The following MICAL3 variants were observed in gnomAD, a reference collection of about 807,000 sequenced individuals.
The protein encoded by MICAL3 is [F-actin]-monooxygenase MICAL3.
A neutral mutation model predicts 207.4 loss-of-function variants in MICAL3; 62 were observed. The observed-to-expected ratio is 0.30, with a 90% CI of 0.24 to 0.37. MICAL3 has a LOEUF of 0.37. MICAL3 is among the 10% of genes least tolerant of loss of function. The pLI is 1.00. For missense variants in MICAL3, 2,368 were observed against 2,635.6 expected (o/e 0.90, Z 2.22); for synonymous variants, 1,077 against 1,069.3 (o/e 1.01, Z -0.14).
intron 7 of MICAL3, among the ~76,000 whole-genome samples, chr22:17,898,120 A>AC (rs397719109): frequency 3.3e-5 from 5 of 150,976 alleles, no homozygotes; most frequent in African/African-American, 1.2e-4. Context: ...AAAAAAAAAA[A>AC]CATGAAGGCA....
At chr22:17,802,061 ATTT>A (rs35160195) in intron 29 of MICAL3, among the ~76,000 whole-genome samples, 7 of 143,580 alleles carry the variant, frequency 4.9e-5, no homozygotes, top group Admixed American at 1.4e-4. Context: ...AATGTAAACA[ATTT>A]TTTTTTTTTT....
At chr22:17,865,301 C>T (rs1283440719) in intron 18 of MICAL3, among the ~76,000 whole-genome samples, 6 of 152,100 alleles carry the variant, frequency 3.9e-5, no homozygotes, top group African/African-American at 1.2e-4. Context: ...CCTCTGCAGG[C>T]AACAGAAGCC....
At chr22:17,916,055 CA>C (rs755146574) in intron 1 of MICAL3, among the ~76,000 whole-genome samples, 4,965 of 57,808 alleles carry the variant, frequency 0.086, 37 homozygotes, top group South Asian at 0.16. Context: ...GATCCAGTCT[CA>C]AAAAAAAAAA....
chr22:17,952,784 T>C (rs1358095671), intron 1 of MICAL3, among the ~76,000 whole-genome samples: 2 of 152,126 alleles, frequency 1.3e-5, no homozygotes, highest in Non-Finnish European at 2.9e-5. Flanking sequence ...ATGCATGAGG[T>C]ACTGGAAAGA....
At chr22:17,881,407 G>C in intron 16 of MICAL3, 1 of 930,876 alleles carries the variant, frequency 1.1e-6, no homozygotes, top group Non-Finnish European at 1.7e-6. Flanking sequence ...AGCACCCCAG[G>C]GAGGCCTTTC....
rs1390686201 is a variant in MICAL3 at position 17,793,426 on chromosome 22, C to G, written c.5651-2125G>C. 1.3e-5 allele frequency among the ~76,000 whole-genome samples: 2 copies of G among 152,170 alleles called. No homozygotes were observed. The highest frequency in any genetic ancestry group is 4.8e-5 in the African/African-American group (2 of 41,442). On this transcript the variant is annotated intron_variant, in intron 29 of 31. Transcript: ENST00000441493. The surrounding 1 kb of genome is among the most constrained non-coding windows in gnomAD (Gnocchi z 4.1). ...AGGCTCCTCACCTGCATGCCTGCCC[C>G]TCTATCTGATGGATCTGAGACTTAA...
In MICAL3 at chr22:17,788,681, G is replaced by A. The variant is rs1027733931; in HGVS notation, c.*2051C>T. The A allele has an allele frequency of 2.0e-5, 3 of 152,306 alleles. No individual in the cohort carries two copies. Among genetic ancestry groups the A allele is most frequent in the African/African-American group, 7.2e-5 (3 of 41,476 alleles). The allele number at this position is 152,306 out of a possible 1,614,324, so 9.4% of individuals were successfully genotyped here. A position where few individuals can be genotyped will look rare whatever the true frequency, so the allele number is the denominator to read the frequency against. ...GAGACCTTTGCCTCACGTGAGAACAGGTGGAGAATCAGCGCTGTGGCGGCC... is the reference window on the plus strand; with the variant it reads ...GAGACCTTTGCCTCACGTGAGAACAAGTGGAGAATCAGCGCTGTGGCGGCC... On this transcript the variant is annotated 3_prime_UTR_variant, in exon 32 of 32. Coordinates refer to ENST00000441493, the MANE Select transcript of MICAL3 (RefSeq NM_015241.3).
At chr22:17,872,841 A>T (rs770966031) in intron 16 of MICAL3, 1 of 1,603,630 alleles carries the variant, frequency 6.2e-7, no homozygotes, top group South Asian at 1.1e-5. Flanking sequence ...GCCCGTGTAC[A>T]TCTTTATATA....
intron 29 of MICAL3, 42 bp downstream of exon 29, chr22:17,808,802 G>C: frequency 6.7e-7 from 1 of 1,503,294 alleles, no homozygotes. Flanking sequence ...GGGAGGGAGG[G>C]CTTCCTCCAG....
intron 1 of MICAL3, among the ~76,000 whole-genome samples, chr22:17,992,504 T>G (rs1379890492): frequency 6.6e-6 from 1 of 152,186 alleles, no homozygotes; most frequent in African/African-American, 2.4e-5. Flanking sequence ...ATCAACCTCT[T>G]GCAGACACAG....
chr22:17,928,312 ATCT>A (rs1212350175), intron 1 of MICAL3, among the ~76,000 whole-genome samples: 1 of 151,992 alleles, frequency 6.6e-6, no homozygotes, highest in Admixed American at 6.6e-5. Flanking sequence ...GGTGGCGGGC[ATCT>A]GTAGTCCCAG....
chr22:17,982,910 C>T (rs1048660302), intron 1 of MICAL3, among the ~76,000 whole-genome samples: 23 of 152,022 alleles, frequency 1.5e-4, no homozygotes, highest in Non-Finnish European at 1.2e-4. Flanking sequence ...CCCTGGGTGG[C>T]GTTAGTCACA....
chr22:17,871,448 C>T (rs1927716054), intron 17 of MICAL3, among the ~76,000 whole-genome samples: 1 of 152,222 alleles, frequency 6.6e-6, no homozygotes, highest in Non-Finnish European at 1.5e-5. Flanking sequence ...CTCCAACTTG[C>T]TGTCATCATC....
chr22:17,829,720 A>G (rs952238855), intron 21 of MICAL3, among the ~76,000 whole-genome samples: 5 of 152,226 alleles, frequency 3.3e-5, no homozygotes, highest in African/African-American at 1.2e-4. Flanking sequence ...CATTAAAGGC[A>G]CCTGCACTGG....
At chr22:17,856,716 G>C (rs557953740) in intron 19 of MICAL3, among the ~76,000 whole-genome samples, 9 of 142,970 alleles carry the variant, frequency 6.3e-5, no homozygotes, top group Non-Finnish European at 1.0e-4. Context: ...CCGCTTCCCA[G>C]GTTCACGCCA....
intron 12 of MICAL3, among the ~76,000 whole-genome samples, chr22:17,890,974 T>C (rs1276379204): frequency 6.6e-6 from 1 of 152,172 alleles, no homozygotes. Context: ...AAAAACGCAG[T>C]CTTTAACACA....
At chr22:17,820,580 T>G (rs1397518551) in intron 25 of MICAL3, among the ~76,000 whole-genome samples, 2 of 152,266 alleles carry the variant, frequency 1.3e-5, no homozygotes, top group African/African-American at 2.4e-5. Context: ...GGTCTCGATC[T>G]CCTGACCTCG....
Position 17,821,422 on chromosome 22 carries a change from C to A in MICAL3, c.3531+5G>T. The A allele has an allele frequency of 6.5e-7, 1 of 1,542,498 alleles. No individual in the cohort carries two copies. The highest frequency in any genetic ancestry group is 1.7e-4 in the Middle Eastern group (1 of 5,918). ...TGTACCCCACAGCGAGCCCCAAACC[C>A]TTACCTCTGTTGAGGGGCTGTGGAC... On this transcript the variant is annotated splice_donor_5th_base_variant and intron_variant, in intron 25 of 31. Transcript: ENST00000441493.
intron 1 of MICAL3, among the ~76,000 whole-genome samples, chr22:17,923,384 C>T (rs1007667952): frequency 2.0e-5 from 3 of 152,236 alleles, no homozygotes; most frequent in African/African-American, 7.2e-5. Flanking sequence ...CTGCTCTGGG[C>T]TCCAAGCCAG....
Sources: allele counts gnomAD v4.1 joint callset (sites outside exome capture counted in the v4.1 genomes callset), GRCh38; gene constraint gnomAD v4.1.1; non-coding constraint Gnocchi (gnomAD v3.1); transcripts MANE v1.5; gene names NCBI Gene and HGNC (gene_info 2026-07-23, HGNC 2026-07-21).